ME3: variants seen among roughly 807,000 people sequenced by gnomAD.
ME3 encodes the protein NADP-dependent malic enzyme, mitochondrial.
A neutral mutation model predicts 68.9 loss-of-function variants in ME3; 48 were observed. The observed-to-expected ratio is 0.70, with a 90% CI of 0.55 to 0.89. The LOEUF (loss-of-function observed/expected upper bound fraction) is 0.89. ME3 is among the 40% of genes least tolerant of loss of function. The pLI is 0.00. For missense variants in ME3, 675 were observed against 797.4 expected, an observed-to-expected ratio of 0.85 and a Z score of 1.85; for synonymous variants, 320 against 318.8, an observed-to-expected ratio of 1.00 and a Z score of -0.04.
At chr11:86,525,049 G>A (rs1954629837) in intron 4 of ME3, among the ~76,000 whole-genome samples, 1 of 152,182 alleles carries the variant, frequency 6.6e-6, no homozygotes, top group Non-Finnish European at 1.5e-5. Context: ...AAGTTCCAGT[G>A]AGACCCACTC....
intron 2 of ME3, among the ~76,000 whole-genome samples, chr11:86,634,930 A>AAAT (rs58547420): frequency 6.6e-6 from 1 of 152,106 alleles, no homozygotes; most frequent in African/African-American, 2.4e-5. Context: ...ACAACAAAAA[A>AAAT]CCCAGAACCT....
intron 2 of ME3, among the ~76,000 whole-genome samples, chr11:86,621,761 A>G (rs948191042): frequency 6.6e-6 from 1 of 152,022 alleles, no homozygotes; most frequent in African/African-American, 2.4e-5. Context: ...TCAAATCATA[A>G]TTACAATCGA....
chr11:86,655,632 A>T (rs1945811894), intron 2 of ME3, among the ~76,000 whole-genome samples: 1 of 151,982 alleles, frequency 6.6e-6, no homozygotes, highest in African/African-American at 2.4e-5. Context: ...TTAGACCTAA[A>T]ACCATAAAAA....
intron 2 of ME3, among the ~76,000 whole-genome samples, chr11:86,610,304 A>G (rs1180092774): frequency 6.6e-6 from 1 of 152,012 alleles, no homozygotes. Context: ...TTATCGTTAT[A>G]TTTTTTCCTG....
At chr11:86,659,671 G>A (rs1381613635) in intron 2 of ME3, among the ~76,000 whole-genome samples, 2 of 152,200 alleles carry the variant, frequency 1.3e-5, no homozygotes, top group Non-Finnish European at 2.9e-5. Flanking sequence ...CTAACTGCTA[G>A]CTGGGTGAAG....
At chr11:86,477,700 C>G (rs1352524642) in intron 7 of ME3, among the ~76,000 whole-genome samples, 2 of 152,048 alleles carry the variant, frequency 1.3e-5, no homozygotes, top group Non-Finnish European at 2.9e-5. Context: ...CAGTGAGTTT[C>G]TTCCAGCACA....
intron 8 of ME3, among the ~76,000 whole-genome samples, chr11:86,452,579 T>C (rs1331348452): frequency 6.6e-6 from 1 of 152,170 alleles, no homozygotes; most frequent in Non-Finnish European, 1.5e-5. Flanking sequence ...CAAGAAAACA[T>C]GGAATGGAAG....
chr11:86,471,894 A>T (rs953170199), intron 7 of ME3, among the ~76,000 whole-genome samples: 5 of 152,240 alleles, frequency 3.3e-5, no homozygotes, highest in African/African-American at 1.2e-4. Flanking sequence ...TCACAGTTGA[A>T]TGGGGACACA....
At position 86,442,938 on chromosome 11, in the gene ME3, C is replaced by G; in HGVS notation, c.1555-19G>C. ...CAATTTGCTGGGGAGAAGGAGAGAA[C>G]CGAGAGGAATAAGCTGAGTCTCTGC... On this transcript the variant is annotated intron_variant, in intron 13 of 14. Coordinates refer to ENST00000543262, the Ensembl canonical transcript of ME3. 1.3e-6 allele frequency: 2 copies of G among 1,587,250 alleles called. 1 individual carries two copies. The highest frequency in any genetic ancestry group is 2.2e-5 in the South Asian group (2 of 90,228).
intron 4 of ME3, among the ~76,000 whole-genome samples, chr11:86,529,591 C>T (rs1338338521): frequency 1.3e-5 from 2 of 152,078 alleles, no homozygotes; most frequent in Non-Finnish European, 1.5e-5. Context: ...TGATGAACAT[C>T]GATGCAAAAT....
At chr11:86,652,383 A>G (rs896345891) in intron 2 of ME3, among the ~76,000 whole-genome samples, 6 of 152,238 alleles carry the variant, frequency 3.9e-5, no homozygotes, top group African/African-American at 1.4e-4. Context: ...CCATCAGACT[A>G]ACAGCTGATC....
chr11:86,512,179 C>T (rs1281005574), intron 4 of ME3, among the ~76,000 whole-genome samples: 1 of 152,220 alleles, frequency 6.6e-6, no homozygotes, highest in African/African-American at 2.4e-5. Context: ...TGGGCAATTA[C>T]AAGTTCACAT....
rs61155166 is a variant in ME3, at chr11:86,567,246, G to GAAA, written c.184-7424_184-7423insTTT. ...GAAAGAAAGAAAGAAAAGAAAGAAA[G>GAAA]GAAGGAAGGAAGGAAGGAAGGAAGG... On this transcript the variant is annotated intron_variant, in intron 2 of 14. Coordinates refer to ENST00000543262, the Ensembl canonical transcript of ME3. 5.6e-3 allele frequency among the ~76,000 whole-genome samples: 369 copies of GAAA among 65,860 alleles called. 1 individual carries two copies. Among genetic ancestry groups the GAAA allele is most frequent in the Middle Eastern group, 0.023 (2 of 88 alleles). The allele number at this position is 65,860 out of a possible 152,430, so 43.2% of individuals were successfully genotyped here.
At chr11:86,515,756 T>A (rs1012820463) in intron 4 of ME3, among the ~76,000 whole-genome samples, 5 of 152,156 alleles carry the variant, frequency 3.3e-5, no homozygotes, top group African/African-American at 1.2e-4. Flanking sequence ...CTCTCTGTAT[T>A]CCACAGCTGG....
intron 4 of ME3, among the ~76,000 whole-genome samples, chr11:86,521,370 G>C (rs1276277498): frequency 6.7e-6 from 1 of 149,398 alleles, no homozygotes; most frequent in East Asian, 1.9e-4. Context: ...ACTCCAGCCT[G>C]GGCGACAGAG....
At chr11:86,588,511 G>C (rs927945949) in intron 2 of ME3, among the ~76,000 whole-genome samples, 1 of 152,150 alleles carries the variant, frequency 6.6e-6, no homozygotes, top group Non-Finnish European at 1.5e-5. Flanking sequence ...CTAAGTCAAA[G>C]GAGACCCCAT....
chr11:86,447,201 G>A (rs372440869), exon 12 of ME3: 3 of 1,613,842 alleles, frequency 1.9e-6, no homozygotes, highest in Non-Finnish European at 2.5e-6. Context: ...TGCGATGGCA[G>A]CAACACCTAC....
intron 2 of ME3, among the ~76,000 whole-genome samples, chr11:86,587,532 T>TA (rs1481952360): frequency 1.3e-5 from 2 of 152,202 alleles, no homozygotes; most frequent in African/African-American, 2.4e-5. Context: ...ATTTTACTCA[T>TA]CCCTGAGGCC....
chr11:86,547,020 C>G (rs1956397805), intron 4 of ME3, among the ~76,000 whole-genome samples: 1 of 152,024 alleles, frequency 6.6e-6, no homozygotes, highest in African/African-American at 2.4e-5. Flanking sequence ...AGGCGGATCA[C>G]AAGGTCAGGA....
Sources: gnomAD v4.1 joint callset for allele counts (sites outside exome capture counted in the v4.1 genomes callset) on GRCh38, gnomAD v4.1.1 for gene constraint, MANE v1.5 for transcripts, NCBI Gene and HGNC (gene_info 2026-07-23, HGNC 2026-07-21) for gene names.